Variants in MYT1L observed in about 807,000 individuals in gnomAD.
The protein encoded by MYT1L is myelin transcription factor 1-like protein.
Under a neutral mutation model 126.7 loss-of-function variants are expected in MYT1L, and 12 were observed. The observed-to-expected ratio is 0.09, with a 90% CI of 0.06 to 0.15. The LOEUF is 0.15. Among genes scored for constraint, MYT1L ranks in the 10% least tolerant of loss-of-function variants. The probability of loss-of-function intolerance (pLI) is 1.00; values close to 1 mark genes in which losing one functional copy is unlikely to be tolerated. For synonymous variants in MYT1L, 541 were observed against 604.2 expected (o/e 0.90, Z 1.53); for missense variants, 979 against 1,585.2 (o/e 0.62, Z 6.49).
intron 18 of MYT1L, among the ~76,000 whole-genome samples, chr2:1,853,164 A>T (rs1184713215): frequency 6.6e-6 from 1 of 152,196 alleles, no homozygotes; most frequent in African/African-American, 2.4e-5. Context: ...TTAGAGGAAA[A>T]GTCTAATTTA....
intron 2 of MYT1L, among the ~76,000 whole-genome samples, chr2:2,275,675 C>G (rs1195288209): frequency 6.6e-6 from 1 of 152,096 alleles, no homozygotes; most frequent in Non-Finnish European, 1.5e-5. Flanking sequence ...CATCACTTAC[C>G]TTTCATTTCA....
intron 8 of MYT1L, among the ~76,000 whole-genome samples, chr2:1,963,206 T>C (rs1405562754): frequency 2.0e-5 from 3 of 152,246 alleles, no homozygotes; most frequent in African/African-American, 7.2e-5. Context: ...CCCAGGTGCA[T>C]TGCCCATGAG....
At chr2:2,206,734 C>G (rs971637642) in intron 2 of MYT1L, among the ~76,000 whole-genome samples, 1 of 152,228 alleles carries the variant, frequency 6.6e-6, no homozygotes, top group Non-Finnish European at 1.5e-5. Flanking sequence ...AAAGCGAATC[C>G]ACAGTTCATC....
intron 3 of MYT1L, among the ~76,000 whole-genome samples, chr2:2,055,025 G>T (rs1050527777): frequency 6.6e-6 from 1 of 152,142 alleles, no homozygotes; most frequent in Non-Finnish European, 1.5e-5. Context: ...CAACAACCTC[G>T]TATCACACCC....
intron 3 of MYT1L, among the ~76,000 whole-genome samples, chr2:2,112,199 C>T (rs1295721429): frequency 1.3e-5 from 2 of 152,204 alleles, no homozygotes; most frequent in South Asian, 2.1e-4. Context: ...AAATATTCTG[C>T]ATCCCCTTTA....
At chr2:2,229,328 T>G (rs1022087706) in intron 2 of MYT1L, among the ~76,000 whole-genome samples, 3 of 152,192 alleles carry the variant, frequency 2.0e-5, no homozygotes, top group African/African-American at 7.2e-5. Context: ...CTCCTACATT[T>G]GAAATTTTGG....
chr2:1,830,349 G>C lies in MYT1L; in HGVS notation c.3080+8800C>G, dbSNP rs377160395. ...AGAGCCCATTTCTTCAGGCTGCTGT[G>C]AGGATTAAGAAGGTTGGTATGCGGA... On this transcript the variant is annotated intron_variant, in intron 21 of 24. Coordinates refer to ENST00000647738, the MANE Select transcript of MYT1L (RefSeq NM_001303052.2). Among the ~76,000 whole-genome samples the C allele has an allele frequency of 8.0e-4, 122 of 152,332 alleles. 2 individuals are homozygous for C. The highest frequency in any genetic ancestry group is 2.8e-3 in the African/African-American group (115 of 41,576).
intron 2 of MYT1L, among the ~76,000 whole-genome samples, chr2:2,237,079 G>T (rs1049329338): frequency 6.6e-6 from 1 of 152,060 alleles, no homozygotes; most frequent in African/African-American, 2.4e-5. Flanking sequence ...CTCCCAAAGT[G>T]CTGGGATTAT....
chr2:2,255,202 G>A (rs2149245752), intron 2 of MYT1L, among the ~76,000 whole-genome samples: 1 of 152,270 alleles, frequency 6.6e-6, no homozygotes, highest in Non-Finnish European at 1.5e-5. Flanking sequence ...CACCATTTAT[G>A]GTTCATCCTG....
intron 1 of MYT1L, among the ~76,000 whole-genome samples, chr2:2,329,056 T>A (rs898807793): frequency 1.3e-5 from 2 of 152,134 alleles, no homozygotes; most frequent in African/African-American, 4.8e-5. Flanking sequence ...TGCGGACAGC[T>A]CCTGGTGCTG....
intron 3 of MYT1L, among the ~76,000 whole-genome samples, 160 bp downstream of exon 3, chr2:2,172,708 GTACC>G (rs2090228815): frequency 6.6e-6 from 1 of 150,922 alleles, no homozygotes. Flanking sequence ...CTGGGCAGGG[GTACC>G]TGCACTGTCA....
chr2:2,132,773 A>G (rs1048192926), intron 3 of MYT1L, among the ~76,000 whole-genome samples: 7 of 152,174 alleles, frequency 4.6e-5, no homozygotes, highest in Admixed American at 1.3e-4. Context: ...AAAGAGAGAG[A>G]AAGAATCTAT....
chr2:1,822,814 T>G (rs531084160), intron 21 of MYT1L, among the ~76,000 whole-genome samples: 1 of 73,436 alleles, frequency 1.4e-5, no homozygotes, highest in East Asian at 1.2e-3. Flanking sequence ...CCAGGGCTGC[T>G]GTGTCCACAG....
chr2:2,176,368 G>C (rs2090772645), intron 2 of MYT1L, among the ~76,000 whole-genome samples: 1 of 152,126 alleles, frequency 6.6e-6, no homozygotes, highest in Admixed American at 6.5e-5. Context: ...TTGTGGGATG[G>C]CTTCAATTAT....
chr2:1,838,649 T>C (rs551366402), intron 21 of MYT1L, among the ~76,000 whole-genome samples: 14 of 152,318 alleles, frequency 9.2e-5, no homozygotes, highest in African/African-American at 3.1e-4. Flanking sequence ...TCTCCTAAGA[T>C]AATCTAACTG....
intron 19 of MYT1L, among the ~76,000 whole-genome samples, chr2:1,845,352 A>G (rs2042357699): frequency 6.6e-6 from 1 of 152,038 alleles, no homozygotes; most frequent in East Asian, 1.9e-4. Context: ...GTGACTCTGG[A>G]AGCTGTTTTT....
rs1176433605 is a variant in MYT1L at position 2,210,455 on chromosome 2, G to A, written c.-420-37467C>T. The stretch of plus-strand genomic sequence containing the variant: ...AAGAGATAAGGGTCAAGTTTGTCCA[G>A]TTTTCCCAGCACCATTTGTTGAAGA... On this transcript the variant is annotated intron_variant, in intron 2 of 24. Coordinates refer to ENST00000647738, the MANE Select transcript of MYT1L (RefSeq NM_001303052.2). Among the ~76,000 whole-genome samples the A allele has an allele frequency of 3.9e-5, 6 of 152,250 alleles. No homozygotes were observed. In the East Asian group the frequency reaches 1.2e-3, roughly 29 times the overall value.
intron 3 of MYT1L, among the ~76,000 whole-genome samples, chr2:2,142,137 T>C (rs1044559123): frequency 1.3e-4 from 20 of 152,158 alleles, no homozygotes; most frequent in African/African-American, 4.6e-4. Context: ...ACACGGCTGT[T>C]GTCCCCCTTT....
At chr2:1,932,197 G>T (rs906878870) in intron 9 of MYT1L, among the ~76,000 whole-genome samples, 3 of 152,150 alleles carry the variant, frequency 2.0e-5, no homozygotes, top group African/African-American at 7.2e-5. Context: ...TCTTACACAG[G>T]GAATTGAGGC....
Sources: allele counts gnomAD v4.1 joint callset (sites outside exome capture counted in the v4.1 genomes callset), GRCh38; gene constraint gnomAD v4.1.1; transcripts MANE v1.5; gene names NCBI Gene and HGNC (gene_info 2026-07-23, HGNC 2026-07-21).